Variants in ARHGAP6 observed in about 807,000 individuals in gnomAD.
ARHGAP6 encodes Rho GTPase activating protein 6.
Under a neutral mutation model 55.7 loss-of-function variants are expected in ARHGAP6, and 16 were observed. That is an observed-to-expected ratio of 0.29 (90% confidence interval 0.19 to 0.44). The LOEUF is 0.44. ARHGAP6 is among the 20% of genes least tolerant of loss of function. ARHGAP6 has a pLI of 1.00. For missense variants in ARHGAP6, 698 were observed against 808.9 expected (o/e 0.86, Z 1.66); for synonymous variants, 382 against 360.9 (o/e 1.06, Z -0.66).
chrX:11,521,889 G>A (rs2050932874), intron 1 of ARHGAP6, among the ~76,000 whole-genome samples: 1 of 111,291 alleles, frequency 9.0e-6, no homozygotes, highest in South Asian at 3.8e-4. Context: ...TTGTAAGTTG[G>A]ATTCCTAGGT....
intron 1 of ARHGAP6, among the ~76,000 whole-genome samples, chrX:11,297,751 CTG>C (rs954578662): frequency 6.2e-5 from 7 of 112,140 alleles, no homozygotes; most frequent in Non-Finnish European, 1.1e-4. Context: ...ATCAGTCAAT[CTG>C]TGTTTCTAGG....
At chrX:11,419,541 C>G (rs2049794091) in intron 1 of ARHGAP6, among the ~76,000 whole-genome samples, 1 of 112,235 alleles carries the variant, frequency 8.9e-6, no homozygotes, top group Admixed American at 9.4e-5. Context: ...ATCATTCTAG[C>G]AAACTCAATG....
intron 2 of ARHGAP6, among the ~76,000 whole-genome samples, chrX:11,222,350 G>A (rs1159864302): frequency 8.9e-6 from 1 of 111,972 alleles, no homozygotes; most frequent in African/African-American, 3.2e-5. Flanking sequence ...GCTTTGCTCT[G>A]CTTGGTGGTG....
intron 9 of ARHGAP6, among the ~76,000 whole-genome samples, chrX:11,168,219 T>C (rs756286498): frequency 1.8e-5 from 2 of 112,436 alleles, no homozygotes; most frequent in South Asian, 7.4e-4. Context: ...TAACACCTGA[T>C]TAAACTTTAT....
intron 8 of ARHGAP6, among the ~76,000 whole-genome samples, chrX:11,173,672 C>T (rs1569240608): frequency 8.9e-6 from 1 of 111,987 alleles, no homozygotes; most frequent in Non-Finnish European, 1.9e-5. Flanking sequence ...CTATTTTTTC[C>T]CAAAAAAGCA....
At chrX:11,506,127 C>T in intron 1 of ARHGAP6, among the ~76,000 whole-genome samples, 1 of 111,441 alleles carries the variant, frequency 9.0e-6, no homozygotes, top group Admixed American at 9.6e-5. Context: ...TGAAGTCTCC[C>T]ACGATTCTCC....
At chrX:11,615,947 T>G (rs67354564) in intron 1 of ARHGAP6, among the ~76,000 whole-genome samples, 15,787 of 111,185 alleles carry the variant, frequency 0.14, 1,024 homozygotes, top group Middle Eastern at 0.24. Flanking sequence ...CCAACCCTTC[T>G]GCTATGGCTT....
At chrX:11,237,431 C>G (rs2047217895) in intron 2 of ARHGAP6, among the ~76,000 whole-genome samples, 1 of 111,773 alleles carries the variant, frequency 8.9e-6, no homozygotes, top group Non-Finnish European at 1.9e-5. Context: ...TCTAGAGTTC[C>G]AGCCTCTTGA....
At chrX:11,410,571 A>C (rs1309287085) in intron 1 of ARHGAP6, among the ~76,000 whole-genome samples, 1 of 112,512 alleles carries the variant, frequency 8.9e-6, no homozygotes, top group East Asian at 2.8e-4. Flanking sequence ...ATGGTTGTAC[A>C]ACTCCGTGAA....
At position 11,324,582 on chromosome X, in the gene ARHGAP6, T is replaced by C. The variant is rs191238588; in HGVS notation, c.589-69875A>G. Among the ~76,000 whole-genome samples the C allele has an allele frequency of 3.9e-3, 401 of 103,725 alleles. 1 individual carries two copies. The highest frequency in any genetic ancestry group is 0.015 in the Middle Eastern group (3 of 202). The allele number at this position is 103,725 out of a possible 115,157, so 90.1% of individuals were successfully genotyped here. A position where few individuals can be genotyped will look rare whatever the true frequency, so the allele number is the denominator to read the frequency against. ...TGATTTGGCTCCTTCTGACTTCTTT[T>C]TGCTTACTAATCTTAAAAAAAAAAA... On this transcript the variant is annotated intron_variant, in intron 1 of 12. Transcript: ENST00000337414.
At chrX:11,559,984 G>A (rs2147094641) in intron 1 of ARHGAP6, among the ~76,000 whole-genome samples, 1 of 107,053 alleles carries the variant, frequency 9.3e-6, no homozygotes, top group East Asian at 2.9e-4. Flanking sequence ...TCACTATATT[G>A]AAAAGATAAA....
chrX:11,407,681 C>T (rs769610516), intron 1 of ARHGAP6, among the ~76,000 whole-genome samples: 11 of 111,932 alleles, frequency 9.8e-5, no homozygotes, highest in African/African-American at 3.6e-4. Flanking sequence ...TTCATCATTA[C>T]TATCCTGGTG....
rs1329074511 is a variant in ARHGAP6 at position 11,138,886 on chromosome X, C to T, written c.2902G>A (p.Ala968Thr). ...WELLSTDNPD[A>T]LPETLV Reference sequence around the variant, plus strand: ...GCTCAGACCAGCGTCTCGGGCAGGGCATCGGGGTTGTCGGTCGACAGGAGC... The same window carrying T: ...GCTCAGACCAGCGTCTCGGGCAGGGTATCGGGGTTGTCGGTCGACAGGAGC... The change falls in exon 13 of 13, where the codon GCC (alanine) becomes ACC (threonine). Residue 968 changes from alanine (A) to threonine (T), a missense_variant. Ala to Thr is a moderately conservative substitution (Grantham distance 58). Transcript: ENST00000337414. 3 of 1,184,790 alleles carry T rather than the reference C, an allele frequency of 2.5e-6. No homozygotes were observed. Among genetic ancestry groups the T allele is most frequent in the Middle Eastern group, 3.1e-4 (1 of 3,181 alleles).
intron 1 of ARHGAP6, among the ~76,000 whole-genome samples, chrX:11,470,825 G>A (rs1026028877): frequency 8.9e-6 from 1 of 111,929 alleles, no homozygotes; most frequent in Admixed American, 9.5e-5. Flanking sequence ...TCTGTGCTGA[G>A]TTAAATGCTC....
chrX:11,606,871 G>A (rs2052041992), intron 1 of ARHGAP6, among the ~76,000 whole-genome samples: 2 of 111,835 alleles, frequency 1.8e-5, no homozygotes, highest in African/African-American at 6.5e-5. Context: ...CATAAATGTT[G>A]CTCAAAATGT....
intron 1 of ARHGAP6, among the ~76,000 whole-genome samples, chrX:11,391,529 C>G (rs902780333): frequency 1.8e-5 from 2 of 110,828 alleles, no homozygotes; most frequent in African/African-American, 3.3e-5. Context: ...TACTCTCAAA[C>G]AAGCAATTTA....
At chrX:11,350,248 G>A (rs1394761773) in intron 1 of ARHGAP6, among the ~76,000 whole-genome samples, 2 of 111,979 alleles carry the variant, frequency 1.8e-5, no homozygotes, top group South Asian at 3.7e-4. Context: ...ATGGGGCTGG[G>A]TGAAAAAACA....
At chrX:11,178,612 T>C (rs905164072) in intron 7 of ARHGAP6, among the ~76,000 whole-genome samples, 2 of 111,866 alleles carry the variant, frequency 1.8e-5, no homozygotes, top group African/African-American at 3.3e-5. Flanking sequence ...TGGCTGAAAA[T>C]TGGTGAACAT....
intron 1 of ARHGAP6, among the ~76,000 whole-genome samples, chrX:11,657,092 A>G (rs1027514176): frequency 5.4e-5 from 6 of 111,565 alleles, no homozygotes; most frequent in Non-Finnish European, 1.9e-5. Context: ...AGTTCCTGGG[A>G]GAAGGCAGGC....
Sources: allele counts gnomAD v4.1 joint callset (sites outside exome capture counted in the v4.1 genomes callset), GRCh38; gene constraint gnomAD v4.1.1; transcripts MANE v1.5; gene names NCBI Gene and HGNC (gene_info 2026-07-23, HGNC 2026-07-21).